The following DOT1L variants were observed in gnomAD, a reference collection of about 807,000 sequenced individuals.
The protein encoded by DOT1L is DOT1 like histone lysine methyltransferase, also known as histone-lysine N-methyltransferase, H3 lysine-79 specific.
A neutral mutation model predicts 153.3 loss-of-function variants in DOT1L; 33 were observed. The observed-to-expected ratio is 0.22, with a 90% CI of 0.16 to 0.29. The LOEUF is 0.29. DOT1L is among the 10% of genes least tolerant of loss of function. DOT1L has a pLI of 1.00. For synonymous variants in DOT1L, 1,135 were observed against 965.1 expected (o/e 1.18, Z -3.26); for missense variants, 1,847 against 2,119.9 (o/e 0.87, Z 2.53).
chr19:2,179,026 C>G lies in DOT1L; in HGVS notation c.82-1687C>G, dbSNP rs566084242. ...CCATCATTGCCATGAGCCCTTGTGT[C>G]TCCTGTCTCCCCTATCTAGGCTGAT... On this transcript the variant is annotated intron_variant, in intron 1 of 27. Coordinates refer to ENST00000398665, the MANE Select transcript of DOT1L (RefSeq NM_032482.3). Among the ~76,000 whole-genome samples the G allele has an allele frequency of 5.5e-4, 83 of 152,272 alleles. 1 individual carries two copies. The highest frequency in any genetic ancestry group is 1.8e-3 in the African/African-American group (73 of 41,558).
intron 1 of DOT1L, among the ~76,000 whole-genome samples, chr19:2,175,306 T>C (rs967985327): frequency 1.3e-5 from 2 of 151,950 alleles, no homozygotes; most frequent in Admixed American, 1.3e-4. Context: ...TGGCCGATAT[T>C]TTGTATCTTT....
intron 27 of DOT1L, chr19:2,227,352 CTTG>C (rs2024395879): frequency 1.4e-6 from 1 of 736,680 alleles, no homozygotes; most frequent in Admixed American, 2.0e-5. Flanking sequence ...CCGCGTCCCT[CTTG>C]TTTTCAGAAG....
chr19:2,203,645 T>C (rs752496908), intron 9 of DOT1L, among the ~76,000 whole-genome samples: 14 of 152,188 alleles, frequency 9.2e-5, no homozygotes, highest in Non-Finnish European at 1.9e-4. Context: ...ACTCAGCCCA[T>C]GACATCGATT....
chr19:2,225,677 GCCC>G (rs2024297813), intron 26 of DOT1L, among the ~76,000 whole-genome samples: 1 of 151,916 alleles, frequency 6.6e-6, no homozygotes, highest in Non-Finnish European at 1.5e-5. Context: ...CCTCACTGCA[GCCC>G]AGGGCCTCCG....
At chr19:2,202,592 C>A in intron 8 of DOT1L, 108 bp from the exon 9 acceptor site, 11 of 1,098,886 alleles carry the variant, frequency 1.0e-5, no homozygotes, top group Non-Finnish European at 1.5e-5. Flanking sequence ...AGGTGGCGGG[C>A]GGGTGTGGGC....
intron 27 of DOT1L, chr19:2,227,824 TG>T: frequency 7.7e-7 from 1 of 1,298,136 alleles, no homozygotes; most frequent in East Asian, 5.6e-5. Flanking sequence ...AGCGCCACAC[TG>T]GGCCCGAGCC....
rs1377867752 is a variant in DOT1L at position 2,220,242 on chromosome 19, C to G, written c.2806+20C>G. 1.9e-6 allele frequency: 3 copies of G among 1,600,106 alleles called. No individual in the cohort carries two copies. Among genetic ancestry groups the G allele is most frequent in the South Asian group, 1.1e-5 (1 of 89,970 alleles). ...CCGCAGGTAACGCCCCTCCTGTGCC[C>G]TACCCTCAGGACTCTGCTGCTGCTG... On this transcript the variant is annotated intron_variant, in intron 23 of 27. Coordinates refer to ENST00000398665, the MANE Select transcript of DOT1L (RefSeq NM_032482.3). The surrounding 1 kb of genome is among the most constrained non-coding windows in gnomAD (Gnocchi z 4.5).
At position 2,226,712 on chromosome 19, in the gene DOT1L, C is replaced by T. The variant is rs979847389; in HGVS notation, c.4191C>T (p.Cys1397=). 6.4e-6 allele frequency: 10 copies of T among 1,563,114 alleles called. No individual in the cohort carries two copies. The East Asian group carries it at 6.8e-5, about 11-fold the overall frequency. The stretch of plus-strand genomic sequence containing the variant: ...CAGGGGAGGGCGGCCTACCGCTGTG[C>T]GGGCCCACGGACAAGACCCCACTGC... ...KEAGEGGLPL[C]GPTDKTPLLS... is the part of the protein sequence containing the mutation. The change falls in exon 27 of 28, where the codon TGC becomes TGT. Residue 1397 remains cysteine (C), a synonymous_variant. Coordinates refer to ENST00000398665, the MANE Select transcript of DOT1L (RefSeq NM_032482.3).
intron 5 of DOT1L, among the ~76,000 whole-genome samples, chr19:2,192,201 G>A (rs766553859): frequency 1.3e-5 from 2 of 152,212 alleles, no homozygotes; most frequent in Non-Finnish European, 2.9e-5. Context: ...GGACCAAGAG[G>A]ACTTTGCACA....
chr19:2,227,628 C>T (rs912762574), intron 27 of DOT1L: 3 of 1,184,932 alleles, frequency 2.5e-6, no homozygotes, highest in Non-Finnish European at 3.3e-6. Flanking sequence ...TGCCCGCACA[C>T]GCCTGGCGGC....
chr19:2,209,016 A>G (rs1399874518), intron 12 of DOT1L, 40 bp downstream of exon 12: 1 of 1,603,172 alleles, frequency 6.2e-7, no homozygotes, highest in South Asian at 1.1e-5. Flanking sequence ...AATAACACGC[A>G]TGCACTGATG....
intron 27 of DOT1L, chr19:2,228,179 C>T (rs771066485): frequency 4.4e-6 from 6 of 1,364,214 alleles, no homozygotes; most frequent in Middle Eastern, 2.1e-4. Flanking sequence ...CGCACAAGGG[C>T]GCCCGCCCCT....
intron 19 of DOT1L, among the ~76,000 whole-genome samples, chr19:2,215,179 G>A (rs767277742): frequency 6.6e-6 from 1 of 152,220 alleles, no homozygotes; most frequent in Non-Finnish European, 1.5e-5. Flanking sequence ...AAAAAGGGCC[G>A]TGTTTGAGCC....
rs954566069 is a variant in DOT1L, at chr19:2,208,618, G to A, written c.964-317G>A. ...TCTCGCCTTCTCCTCTGAGGCGGGCGCGGTTCTTCTGTGCAGAAAGCCCTC... is the reference window on the plus strand; with the variant it reads ...TCTCGCCTTCTCCTCTGAGGCGGGCACGGTTCTTCTGTGCAGAAAGCCCTC... On this transcript the variant is annotated intron_variant, in intron 11 of 27. Coordinates refer to ENST00000398665, the MANE Select transcript of DOT1L (RefSeq NM_032482.3). The surrounding 1 kb of genome is among the most constrained non-coding windows in gnomAD (Gnocchi z 4.4). 2.6e-5 allele frequency among the ~76,000 whole-genome samples: 4 copies of A among 152,172 alleles called. No homozygotes were observed. The highest frequency in any genetic ancestry group is 1.9e-4 in the East Asian group (1 of 5,198).
chr19:2,207,562 T>G lies in DOT1L; in HGVS notation c.857-12T>G. 3.1e-6 allele frequency: 5 copies of G among 1,605,836 alleles called. No homozygotes were observed. The highest frequency in any genetic ancestry group is 4.2e-6 in the Non-Finnish European group (5 of 1,178,176). On this transcript the variant is annotated splice_polypyrimidine_tract_variant and intron_variant, in intron 10 of 27. Transcript: ENST00000398665. This position sits in a 1 kb window ranked among gnomAD's most constrained non-coding sequence, Gnocchi z 4.5. ...CAGGCGCAGGCCCCGGCCTCACCTG[T>G]GGCTCCTGCAGACATCGGCACCATC...
rs889411930 is a variant in DOT1L, at chr19:2,231,742, G to A, written c.*1950G>A. The A allele has an allele frequency of 4.7e-6, 1 of 213,596 alleles. No individual in the cohort carries two copies. Among genetic ancestry groups the A allele is most frequent in the Non-Finnish European group, 9.5e-6 (1 of 105,788 alleles). The allele number at this position is 213,596 out of a possible 1,614,324, so 13.2% of individuals were successfully genotyped here. Reference sequence around the variant, plus strand: ...TGATGGCAGAGACGGCCGAGTCCCTGGTCTAGAACAAGACACATTCTTTAA... The same window carrying A: ...TGATGGCAGAGACGGCCGAGTCCCTAGTCTAGAACAAGACACATTCTTTAA... On this transcript the variant is annotated 3_prime_UTR_variant, in exon 28 of 28. Coordinates refer to ENST00000398665, the MANE Select transcript of DOT1L (RefSeq NM_032482.3).
chr19:2,189,914 ATG>A (rs771739927), intron 4 of DOT1L, 119 bp downstream of exon 4: 106 of 1,154,118 alleles, frequency 9.2e-5, no homozygotes, highest in Non-Finnish European at 8.4e-5. Context: ...GGGGATTGGA[ATG>A]TGCAGCGTGG....
At chr19:2,189,075 C>T (rs1373256703) in intron 3 of DOT1L, among the ~76,000 whole-genome samples, 1 of 152,212 alleles carries the variant, frequency 6.6e-6, no homozygotes, top group Non-Finnish European at 1.5e-5. Context: ...CTGAGTCTCA[C>T]TGTGGACCCT....
chr19:2,176,970 G>C (rs1034207485), intron 1 of DOT1L, among the ~76,000 whole-genome samples: 6 of 152,184 alleles, frequency 3.9e-5, no homozygotes, highest in Non-Finnish European at 8.8e-5. Flanking sequence ...ATATGAGGGA[G>C]CAGGCCCAGC....
Sources: allele counts gnomAD v4.1 joint callset (sites outside exome capture counted in the v4.1 genomes callset), GRCh38; gene constraint gnomAD v4.1.1; non-coding constraint Gnocchi (gnomAD v3.1); transcripts MANE v1.5; gene names NCBI Gene and HGNC (gene_info 2026-07-23, HGNC 2026-07-21).